The following SCFD1 variants were observed in gnomAD, a reference collection of about 807,000 sequenced individuals.
The protein encoded by SCFD1 is sec1 family domain containing 1, also known as sec1 family domain-containing protein 1.
SCFD1 carries 37 observed loss-of-function variants against 103.2 expected under a neutral mutation model. The observed-to-expected ratio is 0.36, with a 90% CI of 0.28 to 0.47. The LOEUF is 0.47. Ranked by LOEUF, SCFD1 falls within the 20% of genes least tolerant of loss-of-function variation. The pLI, the probability that SCFD1 is intolerant of heterozygous loss-of-function variation, is 1.00. For missense variants in SCFD1, 639 were observed against 761.2 expected (o/e 0.84, Z 1.89); for synonymous variants, 264 against 245.0 (o/e 1.08, Z -0.73).
intron 15 of SCFD1, among the ~76,000 whole-genome samples, chr14:30,698,857 C>T (rs1399109807): frequency 6.6e-6 from 1 of 152,162 alleles, no homozygotes; most frequent in East Asian, 1.9e-4. Flanking sequence ...CTGAACTGCA[C>T]ATCTATGAAG....
At chr14:30,649,430 G>T in intron 7 of SCFD1, 98 bp from the exon 8 acceptor site, 2 of 739,288 alleles carry the variant, frequency 2.7e-6, no homozygotes, top group South Asian at 3.4e-5. Context: ...GAAATTGTAT[G>T]TATCTATCAC....
chr14:30,717,103 A>G (rs150636198), intron 20 of SCFD1, among the ~76,000 whole-genome samples: 226 of 152,348 alleles, frequency 1.5e-3, no homozygotes, highest in Non-Finnish European at 2.3e-3. Flanking sequence ...AGAAGATACT[A>G]TGCCAAGCAA....
At chr14:30,633,202 C>G (rs903196024) in intron 3 of SCFD1, among the ~76,000 whole-genome samples, 5 of 152,170 alleles carry the variant, frequency 3.3e-5, no homozygotes, top group Admixed American at 1.3e-4. Flanking sequence ...AGTTATTAAA[C>G]ACAGACTCAC....
At chr14:30,722,742 T>C in intron 23 of SCFD1, 183 bp downstream of exon 23, 2 of 386,844 alleles carry the variant, frequency 5.2e-6, no homozygotes, top group Non-Finnish European at 9.1e-6. Context: ...ATTTCTGGCC[T>C]AAAATTGTAC....
At chr14:30,627,966 C>T (rs1232109407) in intron 1 of SCFD1, among the ~76,000 whole-genome samples, 2 of 151,950 alleles carry the variant, frequency 1.3e-5, no homozygotes, top group Non-Finnish European at 1.5e-5. Context: ...GAACATTTCC[C>T]GCGATTTCAT....
chr14:30,655,845 C>G (rs1380349597), intron 10 of SCFD1, among the ~76,000 whole-genome samples: 3 of 152,052 alleles, frequency 2.0e-5, no homozygotes, highest in Non-Finnish European at 4.4e-5. Context: ...TGTGAGATGC[C>G]GGCCAGGCAT....
intron 10 of SCFD1, among the ~76,000 whole-genome samples, chr14:30,660,752 C>T (rs2139153073): frequency 6.6e-6 from 1 of 152,110 alleles, no homozygotes; most frequent in East Asian, 1.9e-4. Context: ...TATGAACTAA[C>T]AGATTTTTAT....
chr14:30,639,667 A>T, intron 5 of SCFD1, 110 bp from the exon 6 acceptor site: 1 of 1,144,742 alleles, frequency 8.7e-7, no homozygotes, highest in Non-Finnish European at 1.2e-6. Context: ...TATTGAATGT[A>T]ATTAGGATTT....
At chr14:30,707,079 A>G (rs1891520864) in intron 18 of SCFD1, among the ~76,000 whole-genome samples, 1 of 152,184 alleles carries the variant, frequency 6.6e-6, no homozygotes, top group African/African-American at 2.4e-5. Flanking sequence ...AAAGGAAAAT[A>G]TTTTTGGAAA....
chr14:30,706,944 T>A (rs1891509444), intron 18 of SCFD1, among the ~76,000 whole-genome samples: 2 of 152,330 alleles, frequency 1.3e-5, no homozygotes, highest in African/African-American at 4.8e-5. Flanking sequence ...CAGAGTTGCC[T>A]GGTGACAGGA....
At chr14:30,653,006 A>G (rs1886548364) in intron 9 of SCFD1, among the ~76,000 whole-genome samples, 1 of 152,120 alleles carries the variant, frequency 6.6e-6, no homozygotes, top group African/African-American at 2.4e-5. Flanking sequence ...CTCAAAAAAA[A>G]AAATAAAGTT....
Position 30,720,546 on chromosome 14 carries a change from G to A in SCFD1, c.1736+1169G>A, listed in dbSNP as rs141355779. On this transcript the variant is annotated intron_variant, in intron 21 of 24. Transcript: ENST00000458591. Reference sequence around the variant, plus strand: ...CTCATCCATGGGTTCAACCAATCAGGGTTCGAAAATATTTGGGGGGAAAAA... The same window carrying A: ...CTCATCCATGGGTTCAACCAATCAGAGTTCGAAAATATTTGGGGGGAAAAA... 3.8e-3 allele frequency among the ~76,000 whole-genome samples: 585 copies of A among 152,126 alleles called. 1 individual carries two copies. Among genetic ancestry groups the A allele is most frequent in the Admixed American group, 7.9e-3 (120 of 15,280 alleles).
intron 10 of SCFD1, among the ~76,000 whole-genome samples, chr14:30,654,446 G>A (rs960938816): frequency 6.6e-6 from 1 of 152,224 alleles, no homozygotes; most frequent in African/African-American, 2.4e-5. Context: ...GGCCAAGGCA[G>A]GCGGATCACA....
chr14:30,716,124 C>G, intron 20 of SCFD1, 147 bp downstream of exon 20: 1 of 618,828 alleles, frequency 1.6e-6, no homozygotes. Flanking sequence ...TCTCAAGAAG[C>G]CTTTTTTAGC....
intron 19 of SCFD1, among the ~76,000 whole-genome samples, chr14:30,710,681 A>T (rs1891810083): frequency 6.6e-6 from 1 of 152,170 alleles, no homozygotes; most frequent in Non-Finnish European, 1.5e-5. Context: ...AAGAGTCTCT[A>T]GAAATATGTA....
chr14:30,648,627 C>T (rs1419053564), intron 7 of SCFD1, among the ~76,000 whole-genome samples: 4 of 152,060 alleles, frequency 2.6e-5, no homozygotes, highest in African/African-American at 9.7e-5. Context: ...TTGAAACTGC[C>T]TAGACCAGGT....
At chr14:30,684,551 G>A (rs1889779251) in intron 14 of SCFD1, among the ~76,000 whole-genome samples, 1 of 152,010 alleles carries the variant, frequency 6.6e-6, no homozygotes, top group South Asian at 2.1e-4. Flanking sequence ...CCTGATGACT[G>A]AAATTTGGAG....
chr14:30,642,971 A>G (rs1025721967), intron 6 of SCFD1, among the ~76,000 whole-genome samples: 9 of 152,120 alleles, frequency 5.9e-5, no homozygotes, highest in African/African-American at 2.2e-4. Context: ...CAGGAGTTCA[A>G]GACCAGCCTG....
At chr14:30,659,283 A>G (rs1323965081) in intron 10 of SCFD1, among the ~76,000 whole-genome samples, 1 of 151,480 alleles carries the variant, frequency 6.6e-6, no homozygotes, top group Non-Finnish European at 1.5e-5. Flanking sequence ...TATTCAAAAT[A>G]TTTGCATTTC....
Sources: gnomAD v4.1 joint callset for allele counts (sites outside exome capture counted in the v4.1 genomes callset) on GRCh38, gnomAD v4.1.1 for gene constraint, MANE v1.5 for transcripts, NCBI Gene and HGNC (gene_info 2026-07-23, HGNC 2026-07-21) for gene names.